PBX1: variants seen among roughly 807,000 people sequenced by gnomAD.
PBX1 encodes pre-B-cell leukemia transcription factor 1.
A neutral mutation model predicts 53.4 loss-of-function variants in PBX1; 6 were observed. That is an observed-to-expected ratio of 0.11 (90% CI 0.06 to 0.22). PBX1 has a LOEUF of 0.22. PBX1 is among the 10% of genes least tolerant of loss of function. PBX1 has a pLI of 1.00. For missense variants in PBX1, 251 were observed against 551.4 expected, an observed-to-expected ratio of 0.46 and a Z score of 5.46; for synonymous variants, 204 against 212.3, an observed-to-expected ratio of 0.96 and a Z score of 0.34.
intron 2 of PBX1, among the ~76,000 whole-genome samples, chr1:164,598,181 G>A (rs904671652): frequency 7.9e-5 from 12 of 152,180 alleles, no homozygotes; most frequent in Non-Finnish European, 1.5e-4. Flanking sequence ...GTATCCATTC[G>A]TGAGGGCAGA....
At chr1:164,567,437 ATT>A (rs765343861) in intron 2 of PBX1, among the ~76,000 whole-genome samples, 1 of 145,884 alleles carries the variant, frequency 6.9e-6, no homozygotes, top group Admixed American at 6.9e-5. Flanking sequence ...AATTTGGTTC[ATT>A]TTTTTTTTTT....
chr1:164,754,003 G>A (rs148561987), intron 2 of PBX1, among the ~76,000 whole-genome samples: 115 of 152,196 alleles, frequency 7.6e-4, no homozygotes, highest in African/African-American at 2.5e-3. Flanking sequence ...AGTATGTATC[G>A]AGGAGCAGCG....
intron 2 of PBX1, among the ~76,000 whole-genome samples, chr1:164,591,220 C>A (rs536148247): frequency 2.4e-4 from 37 of 152,204 alleles, no homozygotes; most frequent in Admixed American, 4.6e-4. Context: ...CCATGTTGGC[C>A]AGGATGGTCT....
rs145621890 is a variant in PBX1, at chr1:164,776,751, A to G, written c.266-15743A>G. On this transcript the variant is annotated intron_variant, in intron 2 of 8. Transcript: ENST00000420696. ...CAATAAAAGATTTCTTTTCTGTGCA[A>G]TGATTAACTTTCCCTTCTTTAATTT... Among the ~76,000 whole-genome samples the G allele has an allele frequency of 9.4e-3, 1,436 of 152,284 alleles. 25 individuals carry two copies. Among genetic ancestry groups the G allele is most frequent in the African/African-American group, 0.033 (1,385 of 41,544 alleles).
intron 2 of PBX1, among the ~76,000 whole-genome samples, chr1:164,650,351 C>T (rs1659727170): frequency 6.6e-6 from 1 of 151,808 alleles, no homozygotes; most frequent in South Asian, 2.1e-4. Flanking sequence ...GCCTCAGCCT[C>T]CTGAGTAGCT....
At chr1:164,883,510 A>G (rs950265081) in intron 2 of PBX1, among the ~76,000 whole-genome samples, 2 of 152,170 alleles carry the variant, frequency 1.3e-5, no homozygotes, top group African/African-American at 2.4e-5. Flanking sequence ...AATAGTCCTC[A>G]TTTTCCATAA....
chr1:164,590,434 G>A (rs1407861163), intron 2 of PBX1: 1 of 455,926 alleles, frequency 2.2e-6, no homozygotes. Flanking sequence ...CTGTGCTTCA[G>A]GTAAACAAGC....
chr1:164,565,861 TTTC>T (rs1653401200), intron 2 of PBX1, among the ~76,000 whole-genome samples: 1 of 152,008 alleles, frequency 6.6e-6, no homozygotes, highest in African/African-American at 2.4e-5. Context: ...CTATTGTTAC[TTTC>T]AAGCCTTTTT....
intron 2 of PBX1, among the ~76,000 whole-genome samples, chr1:164,757,093 A>T (rs1375231925): frequency 1.4e-5 from 2 of 147,936 alleles, no homozygotes; most frequent in South Asian, 4.3e-4. Flanking sequence ...AGGGCCTCCC[A>T]TTTTTTTTTT....
At chr1:164,619,574 C>T (rs1657533848) in intron 2 of PBX1, among the ~76,000 whole-genome samples, 1 of 152,082 alleles carries the variant, frequency 6.6e-6, no homozygotes, top group Non-Finnish European at 1.5e-5. Context: ...TGGTACAAAG[C>T]CTAAGTACTC....
intron 2 of PBX1, among the ~76,000 whole-genome samples, chr1:164,724,050 C>T (rs912977839): frequency 2.0e-5 from 3 of 152,126 alleles, no homozygotes; most frequent in African/African-American, 7.2e-5. Context: ...CAACTAAAAC[C>T]TGGAATGACT....
intron 2 of PBX1, chr1:164,626,112 C>G (rs1426313419): frequency 9.8e-7 from 1 of 1,023,838 alleles, no homozygotes; most frequent in Middle Eastern, 4.6e-4. Context: ...TGTTCGATAT[C>G]TTTGCAGGCT....
At chr1:164,870,434 T>C (rs1672355471) in intron 2 of PBX1, among the ~76,000 whole-genome samples, 1 of 151,672 alleles carries the variant, frequency 6.6e-6, no homozygotes, top group Non-Finnish European at 1.5e-5. Context: ...AACCTCTGCC[T>C]CCTGGGTTCA....
At chr1:164,618,604 G>A (rs1024543591) in intron 2 of PBX1, among the ~76,000 whole-genome samples, 4 of 152,198 alleles carry the variant, frequency 2.6e-5, no homozygotes, top group African/African-American at 9.7e-5. Flanking sequence ...TGCTACTCCT[G>A]AAGAATAGCA....
Position 164,559,850 on chromosome 1 carries a change from T to A in PBX1, c.28T>A (p.Ser10Thr). 6.5e-7 allele frequency: 1 copy of A among 1,549,664 alleles called. No homozygotes were observed. The highest frequency in any genetic ancestry group is 8.7e-7 in the Non-Finnish European group (1 of 1,146,568). Reference sequence around the variant, plus strand: ...GGACGAGCAGCCCAGGCTGATGCATTCCCATGCTGGGGTCGGGATGGCCGG... The same window carrying A: ...GGACGAGCAGCCCAGGCTGATGCATACCCATGCTGGGGTCGGGATGGCCGG... MDEQPRLMH[S>T]HAGVGMAGHP... is the part of the protein sequence containing the mutation. The change falls in exon 1 of 9, where the codon TCC (serine) becomes ACC (threonine). Residue 10 changes from serine to threonine, a missense_variant. By Grantham distance (58) the Ser-to-Thr change is moderately conservative. This residue lies in a region of PBX1 where 63 missense variants were observed against 78.7 expected (regional missense o/e 0.80). Transcript: ENST00000420696.
At chr1:164,796,156 C>T (rs990583933) in intron 3 of PBX1, among the ~76,000 whole-genome samples, 7 of 152,006 alleles carry the variant, frequency 4.6e-5, no homozygotes, top group East Asian at 2.0e-4. Flanking sequence ...AATACAGGCA[C>T]GTGCCACCAC....
chr1:164,846,284 G>T (rs773692410), intron 8 of PBX1, among the ~76,000 whole-genome samples: 4 of 152,166 alleles, frequency 2.6e-5, no homozygotes, highest in Admixed American at 6.5e-5. Flanking sequence ...CCCTTGACCT[G>T]CAGGACAGCT....
chr1:164,882,262 A>G (rs984444543), intron 2 of PBX1, among the ~76,000 whole-genome samples: 3 of 152,148 alleles, frequency 2.0e-5, no homozygotes, highest in Admixed American at 6.5e-5. Flanking sequence ...CTAAATATGC[A>G]TCTTCTGAGA....
chr1:164,818,710 A>G (rs189945241), intron 6 of PBX1: 8 of 152,066 alleles, frequency 5.3e-5, no homozygotes, highest in Admixed American at 5.2e-4. Context: ...TTGCCTTTAA[A>G]GTATGAAAAC....
Sources: allele counts gnomAD v4.1 joint callset (sites outside exome capture counted in the v4.1 genomes callset), GRCh38; gene constraint gnomAD v4.1.1; regional missense constraint gnomAD v4.1.1; transcripts MANE v1.5; gene names NCBI Gene and HGNC (gene_info 2026-07-23, HGNC 2026-07-21).